TRHDE: variants seen among roughly 807,000 people sequenced by gnomAD.
TRHDE encodes the protein thyrotropin releasing hormone degrading enzyme, also known as thyrotropin-releasing hormone-degrading ectoenzyme.
TRHDE carries 72 observed loss-of-function variants against 125.7 expected under a neutral mutation model. That is an observed-to-expected ratio of 0.57 (90% CI 0.47 to 0.70). The LOEUF (loss-of-function observed/expected upper bound fraction) is 0.70, where lower values mean the gene tolerates loss of function less well. Among genes scored for constraint, TRHDE ranks in the 30% least tolerant of loss-of-function variants. TRHDE has a pLI of 0.00. For missense variants in TRHDE, 1,110 were observed against 1,327.1 expected (o/e 0.84, Z 2.54); for synonymous variants, 509 against 509.1 (o/e 1.00, Z 0.00).
chr12:72,193,129 A>C (rs910352233), intron 2 of TRHDE, among the ~76,000 whole-genome samples: 13 of 152,092 alleles, frequency 8.5e-5, no homozygotes, highest in African/African-American at 2.9e-4. Context: ...AGTATACAAA[A>C]TTTTGCCATT....
At chr12:72,281,303 A>G (rs1380994834) in intron 1 of TRHDE, among the ~76,000 whole-genome samples, 1 of 152,200 alleles carries the variant, frequency 6.6e-6, no homozygotes, top group Non-Finnish European at 1.5e-5. Flanking sequence ...CACAGTCTAA[A>G]CAACGACCCA....
chr12:72,258,740 T>G (rs1234615958), intron 2 of TRHDE, among the ~76,000 whole-genome samples: 2 of 152,162 alleles, frequency 1.3e-5, no homozygotes, highest in Non-Finnish European at 1.5e-5. Context: ...CTATCTCCTT[T>G]TAGTCTGAAT....
chr12:72,187,446 G>C (rs968563148), intron 2 of TRHDE, among the ~76,000 whole-genome samples: 7 of 148,742 alleles, frequency 4.7e-5, no homozygotes, highest in Admixed American at 1.3e-4. Context: ...GAGGTGGGGG[G>C]GGTGGTGGTG....
intron 2 of TRHDE, among the ~76,000 whole-genome samples, chr12:72,219,686 C>T (rs1877964439): frequency 6.6e-6 from 1 of 152,110 alleles, no homozygotes; most frequent in African/African-American, 2.4e-5. Flanking sequence ...TGTTTTTGTG[C>T]ACTACAAGTG....
At chr12:72,425,322 C>T (rs1874138541) in intron 3 of TRHDE, among the ~76,000 whole-genome samples, 1 of 151,974 alleles carries the variant, frequency 6.6e-6, no homozygotes, top group South Asian at 2.1e-4. Flanking sequence ...ATTAAATATG[C>T]CTGCTGAATA....
chr12:72,480,836 G>A (rs1378120778), intron 5 of TRHDE, among the ~76,000 whole-genome samples: 1 of 152,050 alleles, frequency 6.6e-6, no homozygotes, highest in Non-Finnish European at 1.5e-5. Flanking sequence ...AATTGATAAT[G>A]CCAAAAATTA....
intron 3 of TRHDE, among the ~76,000 whole-genome samples, chr12:72,415,126 TATC>T (rs1873677740): frequency 1.3e-5 from 2 of 152,144 alleles, no homozygotes; most frequent in Admixed American, 6.6e-5. Context: ...CTCCATGTGA[TATC>T]ATGCTGCTTT....
At chr12:72,637,205 T>C (rs1323518648) in intron 15 of TRHDE, among the ~76,000 whole-genome samples, 8 of 152,092 alleles carry the variant, frequency 5.3e-5, no homozygotes, top group Admixed American at 2.0e-4. Context: ...TATTCAGAGA[T>C]TCAACTTCTT....
intron 1 of TRHDE, among the ~76,000 whole-genome samples, chr12:72,101,354 G>A (rs759963649): frequency 6.6e-6 from 1 of 152,166 alleles, no homozygotes; most frequent in Non-Finnish European, 1.5e-5. Context: ...AGCATGAAAG[G>A]AATGAAGCAG....
chr12:72,196,585 A>G (rs1466894850), intron 2 of TRHDE, among the ~76,000 whole-genome samples: 1 of 152,064 alleles, frequency 6.6e-6, no homozygotes, highest in African/African-American at 2.4e-5. Flanking sequence ...ATGAACTCTT[A>G]AAACTTCACT....
chr12:72,135,830 A>T (rs1399065626), intron 2 of TRHDE, among the ~76,000 whole-genome samples: 3 of 151,260 alleles, frequency 2.0e-5, no homozygotes, highest in African/African-American at 7.3e-5. Context: ...ACTGGGACAG[A>T]TGTGCTGCCC....
chr12:72,222,067 G>A (rs1878012841), intron 2 of TRHDE, among the ~76,000 whole-genome samples: 1 of 152,100 alleles, frequency 6.6e-6, no homozygotes, highest in South Asian at 2.1e-4. Flanking sequence ...GGCTTCAGGA[G>A]CAAGTATTTC....
rs1158322947 is a variant in TRHDE at position 72,273,787 on chromosome 12, T to C, written c.914+230T>C. 2.1e-5 allele frequency: 11 copies of C among 530,226 alleles called. No individual in the cohort carries two copies. Among genetic ancestry groups the C allele is most frequent in the African/African-American group, 5.7e-5 (3 of 53,032 alleles). The allele number at this position is 530,226 out of a possible 1,614,324, so 32.8% of individuals were successfully genotyped here. A position where few individuals can be genotyped will look rare whatever the true frequency, so the allele number is the denominator to read the frequency against. ...TGACTCACCGGTGCCAAAAGATGAA[T>C]GCTGCCCCCTCCTCTAGTCGGGACC... On this transcript the variant is annotated intron_variant, in intron 1 of 18. Transcript: ENST00000261180. The surrounding 1 kb of genome is among the most constrained non-coding windows in gnomAD (Gnocchi z 5.3).
chr12:72,362,928 C>G (rs934071124), intron 2 of TRHDE, among the ~76,000 whole-genome samples: 2 of 151,992 alleles, frequency 1.3e-5, no homozygotes, highest in African/African-American at 4.8e-5. Flanking sequence ...ATCTATATCT[C>G]TGTTTTGGTA....
chr12:72,512,424 T>C (rs1878620725), intron 6 of TRHDE, among the ~76,000 whole-genome samples: 1 of 108,050 alleles, frequency 9.3e-6, no homozygotes, highest in African/African-American at 5.1e-5. Flanking sequence ...CTATATAATA[T>C]ATATTATATA....
At chr12:72,596,101 C>G (rs1003215758) in intron 12 of TRHDE, among the ~76,000 whole-genome samples, 1 of 152,050 alleles carries the variant, frequency 6.6e-6, no homozygotes, top group African/African-American at 2.4e-5. Context: ...ATTCATCTTT[C>G]TACGTAATAT....
At chr12:72,387,168 A>G (rs1467505421) in intron 3 of TRHDE, among the ~76,000 whole-genome samples, 3 of 152,166 alleles carry the variant, frequency 2.0e-5, no homozygotes, top group Non-Finnish European at 2.9e-5. Flanking sequence ...CCTAATGAGT[A>G]TATTAAATTG....
intron 15 of TRHDE, among the ~76,000 whole-genome samples, chr12:72,630,355 A>T (rs985796330): frequency 2.0e-5 from 3 of 151,826 alleles, no homozygotes; most frequent in Non-Finnish European, 4.4e-5. Context: ...TAAGTCATGT[A>T]AAGACAGAGG....
rs144788796 is a variant in TRHDE, at chr12:72,095,776, A to G, written n.174+8337A>G. 5.1e-4 allele frequency among the ~76,000 whole-genome samples: 77 copies of G among 152,314 alleles called. No individual in the cohort carries two copies. The East Asian group carries it at 0.014, about 27-fold the overall frequency. On this transcript the variant is annotated intron_variant and non_coding_transcript_variant, in intron 1 of 4. Coordinates refer to the TRHDE transcript ENST00000548156. ...TATACTCAGTGTGATGGTTAATTTT[A>G]TATGTCAACTTGGCTGGACTGCAGG... is the stretch of plus-strand genomic sequence containing the variant.
Sources: allele counts gnomAD v4.1 joint callset (sites outside exome capture counted in the v4.1 genomes callset), GRCh38; gene constraint gnomAD v4.1.1; non-coding constraint Gnocchi (gnomAD v3.1); transcripts MANE v1.5; gene names NCBI Gene and HGNC (gene_info 2026-07-23, HGNC 2026-07-21).